Variants in LRRTM4 observed in about 807,000 individuals in gnomAD.
The protein encoded by LRRTM4 is leucine rich repeat transmembrane neuronal 4, also known as leucine-rich repeat transmembrane neuronal protein 4.
Under a neutral mutation model 47.6 loss-of-function variants are expected in LRRTM4, and 25 were observed. That is an observed-to-expected ratio of 0.53 (90% CI 0.38 to 0.73). The LOEUF (loss-of-function observed/expected upper bound fraction) is 0.73. LRRTM4 is among the 30% of genes least tolerant of loss of function. The probability of loss-of-function intolerance (pLI) is 0.00; values close to 1 mark genes in which losing one functional copy is unlikely to be tolerated. For synonymous variants in LRRTM4, 311 were observed against 269.5 expected (o/e 1.15, Z -1.51); for missense variants, 638 against 713.4 (o/e 0.89, Z 1.20).
At chr2:77,042,740 T>C (rs1679079703) in intron 3 of LRRTM4, among the ~76,000 whole-genome samples, 2 of 151,850 alleles carry the variant, frequency 1.3e-5, no homozygotes, top group South Asian at 4.1e-4. Context: ...CCTATATTCA[T>C]CAAGAGCATT....
chr2:77,090,568 A>T (rs979604012), intron 3 of LRRTM4, among the ~76,000 whole-genome samples: 1 of 152,144 alleles, frequency 6.6e-6, no homozygotes, highest in Non-Finnish European at 1.5e-5. Flanking sequence ...CCCCAGCCAC[A>T]TCTCCAGCAC....
chr2:76,815,787 C>T (rs1436105541), intron 3 of LRRTM4, among the ~76,000 whole-genome samples: 5 of 151,966 alleles, frequency 3.3e-5, no homozygotes, highest in African/African-American at 1.2e-4. Flanking sequence ...AATAGAATGA[C>T]ATGGAATAAT....
intron 3 of LRRTM4, among the ~76,000 whole-genome samples, chr2:77,497,778 G>T (rs1678419803): frequency 6.6e-6 from 1 of 151,224 alleles, no homozygotes; most frequent in African/African-American, 2.4e-5. Context: ...CTAGGCTCAA[G>T]TTGCTGATAC....
rs541092070 is a variant in LRRTM4, at chr2:77,178,113, T to C, written c.1551+340205A>G. On this transcript the variant is annotated intron_variant, in intron 3 of 3. Coordinates refer to ENST00000409884, the MANE Select transcript of LRRTM4 (RefSeq NM_001134745.3). ...TCAGCTATTATTAACTGCTGTATCT[T>C]TAGACTATATTGTAATGAATAAATA... 1.1e-3 allele frequency among the ~76,000 whole-genome samples: 164 copies of C among 152,338 alleles called. 1 individual carries two copies. The highest frequency in any genetic ancestry group is 3.8e-3 in the African/African-American group (156 of 41,568).
At chr2:76,998,606 C>G (rs1314338051) in intron 3 of LRRTM4, among the ~76,000 whole-genome samples, 1 of 151,702 alleles carries the variant, frequency 6.6e-6, no homozygotes, top group Admixed American at 6.6e-5. Flanking sequence ...AAACCCCAGG[C>G]AATTTTTGTA....
At chr2:77,375,775 C>A (rs1232308610) in intron 3 of LRRTM4, among the ~76,000 whole-genome samples, 1 of 151,720 alleles carries the variant, frequency 6.6e-6, no homozygotes, top group African/African-American at 2.4e-5. Context: ...TCTTTCTTTT[C>A]CAATTTTGAA....
intron 3 of LRRTM4, among the ~76,000 whole-genome samples, chr2:77,077,757 C>T (rs1358204940): frequency 6.6e-6 from 1 of 152,114 alleles, no homozygotes; most frequent in Non-Finnish European, 1.5e-5. Flanking sequence ...AAAAATGCTT[C>T]TCAGTCTGTC....
chr2:76,948,934 T>G (rs994258255), intron 3 of LRRTM4, among the ~76,000 whole-genome samples: 5 of 152,012 alleles, frequency 3.3e-5, no homozygotes, highest in African/African-American at 1.2e-4. Flanking sequence ...CTGATTTTGA[T>G]AAAGCTATAT....
At chr2:76,914,229 T>C (rs1245817415) in intron 3 of LRRTM4, among the ~76,000 whole-genome samples, 7 of 152,140 alleles carry the variant, frequency 4.6e-5, no homozygotes, top group Middle Eastern at 6.8e-3. Context: ...AATAACTTTA[T>C]ATTATTAATG....
At chr2:76,817,869 T>C (rs1184538366) in intron 3 of LRRTM4, among the ~76,000 whole-genome samples, 8 of 151,998 alleles carry the variant, frequency 5.3e-5, no homozygotes, top group Non-Finnish European at 8.8e-5. Flanking sequence ...ACCTTTCCTG[T>C]GAAAAGATTG....
At chr2:77,024,495 T>TAAAAAA (rs35116332) in intron 3 of LRRTM4, among the ~76,000 whole-genome samples, 1 of 130,176 alleles carries the variant, frequency 7.7e-6, no homozygotes, top group Non-Finnish European at 1.6e-5. Context: ...GGTCTAGAAT[T>TAAAAAA]AAAAAAAAAA....
chr2:77,151,369 T>C (rs1672425785), intron 3 of LRRTM4, among the ~76,000 whole-genome samples: 1 of 152,174 alleles, frequency 6.6e-6, no homozygotes, highest in South Asian at 2.1e-4. Flanking sequence ...TATTTACTAA[T>C]TCTATAAGTT....
intron 3 of LRRTM4, among the ~76,000 whole-genome samples, chr2:77,042,785 A>G (rs1252545230): frequency 6.6e-6 from 1 of 151,740 alleles, no homozygotes; most frequent in African/African-American, 2.4e-5. Context: ...TAATAAAAGC[A>G]CTTGTAACTT....
Position 77,046,374 on chromosome 2 carries a change from A to AT in LRRTM4, c.1552-297459dup, listed in dbSNP as rs976235364. Among the ~76,000 whole-genome samples the AT allele has an allele frequency of 5.3e-5, 8 of 151,914 alleles. No homozygotes were observed. In the East Asian group the frequency reaches 5.8e-4, roughly 11 times the overall value. ...AAAGTGCAAAATGTGCAATAGGCAG[A>AT]TTTTTTTTCTAGAAAAATAGTTACA... On this transcript the variant is annotated intron_variant, in intron 3 of 3. Coordinates refer to ENST00000409884, the MANE Select transcript of LRRTM4 (RefSeq NM_001134745.3).
At chr2:77,035,678 A>C (rs112166388) in intron 3 of LRRTM4, among the ~76,000 whole-genome samples, 1 of 151,928 alleles carries the variant, frequency 6.6e-6, no homozygotes, top group Admixed American at 6.6e-5. Context: ...ACTCAGCATA[A>C]TTCTCTGGAC....
intron 3 of LRRTM4, among the ~76,000 whole-genome samples, chr2:77,046,137 C>T (rs146175312): frequency 4.0e-4 from 61 of 152,060 alleles, no homozygotes; most frequent in African/African-American, 1.4e-3. Flanking sequence ...CTAAAACTCA[C>T]ATCTTGGTTT....
At chr2:77,064,899 C>A (rs1037846817) in intron 3 of LRRTM4, among the ~76,000 whole-genome samples, 1 of 152,210 alleles carries the variant, frequency 6.6e-6, no homozygotes, top group East Asian at 1.9e-4. Context: ...CCTTAGCAAC[C>A]TACAGAAGAC....
chr2:77,266,930 T>C (rs1306663731), intron 3 of LRRTM4, among the ~76,000 whole-genome samples: 1 of 152,110 alleles, frequency 6.6e-6, no homozygotes, highest in Non-Finnish European at 1.5e-5. Context: ...GTACAAGTTC[T>C]GAGGAAACAA....
chr2:76,910,599 G>C (rs797006134), intron 3 of LRRTM4, among the ~76,000 whole-genome samples: 6 of 152,158 alleles, frequency 3.9e-5, no homozygotes, highest in Non-Finnish European at 8.8e-5. Flanking sequence ...CATAAAGAAT[G>C]TATGTATCCA....
Sources: allele counts gnomAD v4.1 joint callset (sites outside exome capture counted in the v4.1 genomes callset), GRCh38; gene constraint gnomAD v4.1.1; transcripts MANE v1.5; gene names NCBI Gene and HGNC (gene_info 2026-07-23, HGNC 2026-07-21).